Variants in PKIB observed in about 807,000 individuals in gnomAD.
PKIB encodes the protein PKI-beta.
A neutral mutation model predicts 4.5 loss-of-function variants in PKIB; 2 were observed. The observed-to-expected ratio is 0.44, with a 90% confidence interval of 0.18 to 1.39. The LOEUF (loss-of-function observed/expected upper bound fraction) is 1.39. PKIB is among the 40% of genes most tolerant of loss of function. The pLI, the probability that PKIB is intolerant of heterozygous loss-of-function variation, is 0.27. For synonymous variants in PKIB, 38 were observed against 36.0 expected (o/e 1.06, Z -0.20); for missense variants, 94 against 92.6 (o/e 1.02, Z -0.06).
At chr6:122,521,482 C>T (rs1776945501) in intron 2 of PKIB, among the ~76,000 whole-genome samples, 1 of 152,002 alleles carries the variant, frequency 6.6e-6, no homozygotes, top group South Asian at 2.1e-4. Flanking sequence ...AGATCGAGAC[C>T]ATCCTGGCTA....
At chr6:122,494,775 C>T (rs1776031081) in intron 2 of PKIB, among the ~76,000 whole-genome samples, 1 of 152,172 alleles carries the variant, frequency 6.6e-6, no homozygotes, top group Non-Finnish European at 1.5e-5. Context: ...CAGCCTCCTA[C>T]TCAGAACTGG....
chr6:122,548,882 T>A (rs1772584316), intron 2 of PKIB, among the ~76,000 whole-genome samples: 2 of 152,192 alleles, frequency 1.3e-5, no homozygotes, highest in African/African-American at 4.8e-5. Context: ...TATACCTGTA[T>A]AAAATAAATA....
chr6:122,605,638 CAT>C (rs1774506698), upstream of PKIB, among the ~76,000 whole-genome samples: 1 of 152,086 alleles, frequency 6.6e-6, no homozygotes, highest in South Asian at 2.1e-4. Flanking sequence ...CAAGGAACCA[CAT>C]ATGTCCTCTG....
intron 1 of PKIB, among the ~76,000 whole-genome samples, chr6:122,615,427 T>C (rs80079112): frequency 9.7e-4 from 148 of 152,216 alleles, no homozygotes; most frequent in African/African-American, 3.3e-3. Context: ...GTAGTTGGGA[T>C]ATGAAGTTAA....
intron 2 of PKIB, among the ~76,000 whole-genome samples, chr6:122,532,113 A>G (rs1777275525): frequency 6.6e-6 from 1 of 152,228 alleles, no homozygotes; most frequent in African/African-American, 2.4e-5. Flanking sequence ...GATAATAAAC[A>G]GGCAGTAAAT....
chr6:122,654,170 G>C (rs1776680338), intron 2 of PKIB, among the ~76,000 whole-genome samples: 1 of 152,126 alleles, frequency 6.6e-6, no homozygotes, highest in South Asian at 2.1e-4. Flanking sequence ...GTTCTGCTCT[G>C]TCAATAAGAT....
At chr6:122,562,004 G>GTTTTTTTTTTTTTTTTCTTTTTTTTTTT (rs758656278) in intron 2 of PKIB, among the ~76,000 whole-genome samples, 1 of 79,480 alleles carries the variant, frequency 1.3e-5, no homozygotes, top group Admixed American at 1.7e-4. Context: ...GTTTTTTTTT[G>GTTTTTTTTTTTTTTTTCTTTTTTTTTTT]TTTTTTTTTT....
intron 2 of PKIB, among the ~76,000 whole-genome samples, chr6:122,513,849 A>G (rs964248165): frequency 1.3e-5 from 2 of 152,168 alleles, no homozygotes; most frequent in Non-Finnish European, 2.9e-5. Flanking sequence ...CATAGTGTAT[A>G]TGCACCACAT....
At chr6:122,475,821 A>G (rs1775440239) in intron 1 of PKIB, among the ~76,000 whole-genome samples, 1 of 152,078 alleles carries the variant, frequency 6.6e-6, no homozygotes, top group Non-Finnish European at 1.5e-5. Context: ...TCAATCCATA[A>G]GGATATGGTT....
chr6:122,623,169 A>G, intron 1 of PKIB, among the ~76,000 whole-genome samples: 1 of 152,236 alleles, frequency 6.6e-6, no homozygotes, highest in East Asian at 1.9e-4. Flanking sequence ...TATTTGAGAT[A>G]TTCTTTGAAT....
At chr6:122,522,397 G>T (rs759279093) in intron 2 of PKIB, among the ~76,000 whole-genome samples, 1 of 152,094 alleles carries the variant, frequency 6.6e-6, no homozygotes, top group Non-Finnish European at 1.5e-5. Flanking sequence ...GAATGGTTTT[G>T]TCTCACAGGC....
intron 3 of PKIB, among the ~76,000 whole-genome samples, chr6:122,603,953 G>A (rs544883905): frequency 8.4e-4 from 128 of 152,316 alleles, no homozygotes; most frequent in South Asian, 1.9e-3. Context: ...AGAGGTGGGA[G>A]AATGGTTAGT....
At chr6:122,553,347 C>G (rs2114658798) in intron 2 of PKIB, among the ~76,000 whole-genome samples, 1 of 152,194 alleles carries the variant, frequency 6.6e-6, no homozygotes, top group African/African-American at 2.4e-5. Flanking sequence ...TTTGCACCAA[C>G]CGAATACTCA....
chr6:122,541,935 G>A (rs1051837035), intron 2 of PKIB, among the ~76,000 whole-genome samples: 14 of 151,258 alleles, frequency 9.3e-5, no homozygotes, highest in South Asian at 2.1e-4. Flanking sequence ...CATTCATTTC[G>A]TCTTCTATCA....
At chr6:122,704,101 G>C (rs1000125973) in intron 3 of PKIB, among the ~76,000 whole-genome samples, 2 of 151,880 alleles carry the variant, frequency 1.3e-5, no homozygotes, top group Non-Finnish European at 2.9e-5. Context: ...ACTATTGTCG[G>C]TTCCAGGCCA....
intron 1 of PKIB, among the ~76,000 whole-genome samples, chr6:122,615,160 G>A: frequency 6.6e-6 from 1 of 152,004 alleles, no homozygotes; most frequent in East Asian, 1.9e-4. Context: ...TCTGTGTATT[G>A]TAGTGAAGTA....
chr6:122,521,465 G>A (rs1413433072), intron 2 of PKIB, among the ~76,000 whole-genome samples: 1 of 152,016 alleles, frequency 6.6e-6, no homozygotes, highest in Non-Finnish European at 1.5e-5. Context: ...CAGATCACGA[G>A]GTCAGGAGAT....
chr6:122,659,268 A>G (rs1258327835), intron 2 of PKIB, among the ~76,000 whole-genome samples: 1 of 152,192 alleles, frequency 6.6e-6, no homozygotes, highest in South Asian at 2.1e-4. Flanking sequence ...TTAAATGTCT[A>G]CATATAGAGT....
At chr6:122,656,525 A>G (rs921895934) in intron 2 of PKIB, among the ~76,000 whole-genome samples, 3 of 152,178 alleles carry the variant, frequency 2.0e-5, no homozygotes, top group African/African-American at 7.2e-5. Flanking sequence ...CTGATGTATC[A>G]CTACTGAGAT....
Sources: gnomAD v4.1 joint callset for allele counts (sites outside exome capture counted in the v4.1 genomes callset) on GRCh38, gnomAD v4.1.1 for gene constraint, MANE v1.5 for transcripts, NCBI Gene and HGNC (gene_info 2026-07-23, HGNC 2026-07-21) for gene names.